The following RBP4 variants were observed in gnomAD, a reference collection of about 807,000 sequenced individuals.
The protein encoded by RBP4 is retinol binding protein 4, also known as retinol-binding protein 4.
A neutral mutation model predicts 26.2 loss-of-function variants in RBP4; 9 were observed. That is an observed-to-expected ratio of 0.34 (90% CI 0.21 to 0.60). RBP4 has a LOEUF of 0.60. Among genes scored for constraint, RBP4 ranks in the 20% least tolerant of loss-of-function variants. The probability of loss-of-function intolerance (pLI) is 0.80; values close to 1 mark genes in which losing one functional copy is unlikely to be tolerated. For synonymous variants in RBP4, 114 were observed against 111.0 expected (o/e 1.03, Z -0.17); for missense variants, 244 against 271.3 (o/e 0.90, Z 0.71).
chr10:93,595,013 C>A (rs906293489), intron 4 of RBP4, among the ~76,000 whole-genome samples: 1 of 151,992 alleles, frequency 6.6e-6, no homozygotes, highest in Admixed American at 6.6e-5. Context: ...GGGTGACATG[C>A]GTCTGTGGTC....
At chr10:93,601,584 C>T, upstream of RBP4, 1 of 704,252 alleles carries the variant, frequency 1.4e-6, no homozygotes, top group South Asian at 1.5e-5. Flanking sequence ...GGCGGGAAGA[C>T]CGTGGCCTCA....
intron 1 of RBP4, 42 bp downstream of exon 1, chr10:93,601,124 CCCCGG>C: frequency 2.0e-6 from 3 of 1,517,148 alleles, no homozygotes; most frequent in South Asian, 1.2e-5. Context: ...CCCCACCCCA[CCCCGG>C]CCCATCCCGC....
Position 93,591,805 on chromosome 10 carries a change from G to A in RBP4, c.*270C>T. On this transcript the variant is annotated 3_prime_UTR_variant, in exon 6 of 6. Transcript: ENST00000371464. ...AGCGCACCCCACCCATCCGTCTGCA[G>A]CACAGACATAAACACAAATGAAAAC... 1 of 482,184 alleles carries A rather than the reference G, an allele frequency of 2.1e-6. No individual in the cohort carries two copies. The highest frequency in any genetic ancestry group is 3.4e-5 in the Admixed American group (1 of 29,010). The allele number at this position is 482,184 out of a possible 1,614,324, so 29.9% of individuals were successfully genotyped here.
chr10:93,599,431 C>G (rs2058321987), intron 4 of RBP4, among the ~76,000 whole-genome samples: 1 of 152,072 alleles, frequency 6.6e-6, no homozygotes, highest in African/African-American at 2.4e-5. Context: ...CTGAACAACC[C>G]TTGGTCCTAT....
At chr10:93,599,953 C>T (rs1002627645) in intron 4 of RBP4, among the ~76,000 whole-genome samples, 32 of 152,148 alleles carry the variant, frequency 2.1e-4, no homozygotes, top group African/African-American at 7.0e-4. Flanking sequence ...CACCCCTATG[C>T]ACAGTGTTCC....
At chr10:93,596,696 G>A (rs1053538818) in intron 4 of RBP4, among the ~76,000 whole-genome samples, 2 of 152,210 alleles carry the variant, frequency 1.3e-5, no homozygotes, top group Admixed American at 6.5e-5. Context: ...TGGTTTAGCG[G>A]TTTGGACTGC....
intron 5 of RBP4, among the ~76,000 whole-genome samples, chr10:93,592,373 T>C (rs980276800): frequency 1.3e-5 from 2 of 152,204 alleles, no homozygotes; most frequent in African/African-American, 4.8e-5. Context: ...AGGGCTTCCT[T>C]TGATTTCTCT....
At chr10:93,593,700 G>A in intron 5 of RBP4, 123 bp downstream of exon 5, 2 of 1,133,746 alleles carry the variant, frequency 1.8e-6, no homozygotes, top group Non-Finnish European at 2.6e-6. Context: ...TCAGAAAGGG[G>A]CTCCCAAGAA....
rs762620416 is a variant in RBP4, at chr10:93,593,922, G to C, written c.469C>G (p.Arg157Gly). The part of the protein sequence containing the change: ...CADSYSFVFS[R>G]DPNGLPPEAQ... ...TCTGGGGGCAGGCCGTTGGGGTCCC[G>C]GGAAAACACGAAGGAGTAGCTGTCA... The change falls in exon 5 of 6, where the codon CGG (arginine) becomes GGG (glycine). Residue 157 changes from arginine (R) to glycine (G), a missense_variant. Physicochemically the swap from Arg to Gly is moderately radical, Grantham distance 125. Coordinates refer to ENST00000371464, the MANE Select transcript of RBP4 (RefSeq NM_006744.4). The C allele has an allele frequency of 1.9e-6, 3 of 1,613,954 alleles. No individual in the cohort carries two copies. The South Asian group carries it at 3.3e-5, about 18-fold the overall frequency.
In RBP4 at chr10:93,592,086, T is replaced by C; in HGVS notation, c.595A>G (p.Asn199Asp). 6.2e-7 allele frequency: 1 copy of C among 1,614,034 alleles called. No individual in the cohort carries two copies. The highest frequency in any genetic ancestry group is 1.7e-5 in the Admixed American group (1 of 60,022). The change falls in exon 6 of 6, where the codon AAC becomes GAC. Residue 199 changes from asparagine (N) to aspartate (D), a missense_variant. Asn to Asp is a conservative substitution (Grantham distance 23). Transcript: ENST00000371464. ...NGYCDGRSER[N>D]LL is the part of the protein sequence containing the mutation. ...GATTCTTGATATTGCTACAAAAGGT[T>C]TCTTTCTGATCTGCCATCGCAGTAA...
At chr10:93,601,104 C>A in intron 1 of RBP4, 58 bp from the exon 2 acceptor site, 4 of 1,553,496 alleles carry the variant, frequency 2.6e-6, no homozygotes, top group Non-Finnish European at 3.5e-6. Context: ...CCGTATCCCA[C>A]CTCACCCCAC....
chr10:93,599,258 T>A (rs10882276), intron 4 of RBP4, among the ~76,000 whole-genome samples: 21,338 of 150,262 alleles, frequency 0.14, 2,538 homozygotes, highest in African/African-American at 0.32. Flanking sequence ...AAAAAAAAAA[T>A]AATAATAAAT....
At chr10:93,593,592 T>A (rs1255132367) in intron 5 of RBP4, among the ~76,000 whole-genome samples, 1 of 152,106 alleles carries the variant, frequency 6.6e-6, no homozygotes, top group African/African-American at 2.4e-5. Context: ...ACGGCAGTGT[T>A]AGTGCCAGTG....
At position 93,598,272 on chromosome 10, in the gene RBP4, G is replaced by A. The variant is rs184242806; in HGVS notation, c.355+2121C>T. ...ACAAAGAACTCATGTCTCAGGCACT[G>A]TTCTGAGTGCTTTCTGCCTGTTGAC... On this transcript the variant is annotated intron_variant, in intron 4 of 5. Coordinates refer to ENST00000371464, the MANE Select transcript of RBP4 (RefSeq NM_006744.4). Among the ~76,000 whole-genome samples the A allele has an allele frequency of 2.0e-5, 3 of 152,348 alleles. No homozygotes were observed. In the East Asian group the frequency reaches 5.8e-4, roughly 29 times the overall value.
In RBP4 at chr10:93,592,097, CT is replaced by C. The variant is rs753884886; in HGVS notation, c.583del (p.Arg195AspfsTer20). ...TTGCTACAAAAGGTTTCTTTCTGAT[CT>C]GCCATCGCAGTAACCTGGAAAATAC... ...LIVHNGYCDG[R>X]SERNLL is the part of the protein sequence containing the mutation. On this transcript the variant is annotated frameshift_variant, in exon 6 of 6. Coordinates refer to ENST00000371464, the MANE Select transcript of RBP4 (RefSeq NM_006744.4). LOFTEE classifies it high-confidence loss of function. 6.2e-7 allele frequency: 1 copy of C among 1,614,126 alleles called. No homozygotes were observed. The highest frequency in any genetic ancestry group is 8.5e-7 in the Non-Finnish European group (1 of 1,179,980).
intron 4 of RBP4, among the ~76,000 whole-genome samples, chr10:93,599,043 G>T (rs2058319005): frequency 6.6e-6 from 1 of 152,096 alleles, no homozygotes; most frequent in Admixed American, 6.5e-5. Context: ...GAGCCCAGGA[G>T]ATCAAGACCA....
intron 4 of RBP4, among the ~76,000 whole-genome samples, chr10:93,594,924 G>A (rs943899160): frequency 2.0e-5 from 3 of 152,152 alleles, no homozygotes; most frequent in African/African-American, 7.2e-5. Flanking sequence ...AGGGTAACTT[G>A]AGGCCAGGAG....
At chr10:93,593,749 C>T (rs1206168661) in intron 5 of RBP4, 74 bp downstream of exon 5, 21 of 1,500,916 alleles carry the variant, frequency 1.4e-5, no homozygotes, top group Non-Finnish European at 1.8e-5. Context: ...ATGAATTTCA[C>T]TAGCACGTGG....
At position 93,592,105 on chromosome 10, in the gene RBP4, G is replaced by A. The variant is rs753776893; in HGVS notation, c.576C>T (p.Cys192=). Residue 192 remains cysteine (C), a synonymous_variant, in exon 6 of 6, where the codon TGC becomes TGT. Coordinates refer to ENST00000371464, the MANE Select transcript of RBP4 (RefSeq NM_006744.4). ...QYRLIVHNGY[C]DGRSERNLL is the part of the protein sequence containing the mutation. ...AAAGGTTTCTTTCTGATCTGCCATC[G>A]CAGTAACCTGGAAAATACAAAACAA... is the stretch of plus-strand genomic sequence containing the variant. The A allele has an allele frequency of 1.5e-5, 25 of 1,613,860 alleles. No individual in the cohort carries two copies. In the African/African-American group the frequency reaches 1.6e-4, roughly 10 times the overall value.
Sources: gnomAD v4.1 joint callset for allele counts (sites outside exome capture counted in the v4.1 genomes callset) on GRCh38, gnomAD v4.1.1 for gene constraint, MANE v1.5 for transcripts, NCBI Gene and HGNC (gene_info 2026-07-23, HGNC 2026-07-21) for gene names.